TTC17: variants seen among roughly 807,000 people sequenced by gnomAD.
The protein encoded by TTC17 is tetratricopeptide repeat domain 17, also known as tetratricopeptide repeat protein 17.
In TTC17, 58 loss-of-function variants were observed where a neutral mutation model predicts 143.8. The ratio of observed to expected loss-of-function variants is 0.40; its 90% CI spans 0.33 to 0.50. TTC17 has a LOEUF of 0.50. Among genes scored for constraint, TTC17 ranks in the 20% least tolerant of loss-of-function variants. TTC17 has a pLI of 0.49. For synonymous variants in TTC17, 501 were observed against 497.8 expected (o/e 1.01, Z -0.09); for missense variants, 1,273 against 1,392.5 (o/e 0.91, Z 1.37).
chr11:43,407,492 A>T lies in TTC17; in HGVS notation c.1979A>T (p.Asn660Ile). 6.2e-7 allele frequency: 1 copy of T among 1,614,030 alleles called. No homozygotes were observed. Among genetic ancestry groups the T allele is most frequent in the Non-Finnish European group, 8.5e-7 (1 of 1,179,966 alleles). The change falls in exon 15 of 24, where the codon AAC becomes ATC. Residue 660 changes from asparagine to isoleucine, a missense_variant. Physicochemically the swap from Asn to Ile is moderately radical, Grantham distance 149. This residue lies in a region of TTC17 where 878 missense variants were observed against 899.8 expected (regional missense o/e 0.98). Transcript: ENST00000039989. ...PLQYQDVPLV[N>I]LANLLIHYGL... ...CAATACCAAGATGTTCCTCTTGTCA[A>T]CTTGGCCAACCTTTTGATTCATTAC...
At chr11:43,420,504 T>C (rs1946877316) in intron 16 of TTC17, among the ~76,000 whole-genome samples, 2 of 152,224 alleles carry the variant, frequency 1.3e-5, no homozygotes, top group South Asian at 4.1e-4. Context: ...CCTGATCTTT[T>C]CTGAATCTTG....
chr11:43,403,948 A>G, intron 10 of TTC17, 50 bp from the exon 11 acceptor site: 1 of 1,502,158 alleles, frequency 6.7e-7, no homozygotes, highest in Non-Finnish European at 8.9e-7. Context: ...TTATAATCAC[A>G]ACTCCTTTTC....
chr11:43,433,427 C>T (rs1175735434), intron 16 of TTC17, among the ~76,000 whole-genome samples: 2 of 152,190 alleles, frequency 1.3e-5, no homozygotes, highest in Non-Finnish European at 2.9e-5. Context: ...AAACCTCTTA[C>T]TCTTTTTTTA....
At chr11:43,409,521 C>G (rs1276930911) in intron 15 of TTC17, among the ~76,000 whole-genome samples, 1 of 152,152 alleles carries the variant, frequency 6.6e-6, no homozygotes, top group East Asian at 1.9e-4. Context: ...TTACTAGAGC[C>G]AGGCACAATA....
At chr11:43,441,454 C>G (rs1000401409) in intron 16 of TTC17, among the ~76,000 whole-genome samples, 3 of 152,032 alleles carry the variant, frequency 2.0e-5, no homozygotes, top group African/African-American at 7.2e-5. Flanking sequence ...ATGTAGTTGT[C>G]TGTCTCCAAC....
chr11:43,436,125 T>G (rs1232395363), intron 16 of TTC17: 12 of 1,286,524 alleles, frequency 9.3e-6, no homozygotes, highest in Middle Eastern at 2.0e-4. Context: ...ACACGAGAGA[T>G]ATTTCTAATG....
chr11:43,475,708 T>C (rs1236548920), intron 21 of TTC17, among the ~76,000 whole-genome samples: 1 of 152,216 alleles, frequency 6.6e-6, no homozygotes, highest in Non-Finnish European at 1.5e-5. Flanking sequence ...AATGTTCCAA[T>C]GAGCATTTCA....
intron 18 of TTC17, chr11:43,446,708 C>G (rs189925995): frequency 1.6e-5 from 16 of 981,638 alleles, no homozygotes; most frequent in Non-Finnish European, 1.8e-5. Context: ...ATATAAAAAG[C>G]GCTATACAGA....
chr11:43,390,611 G>A (rs553578968), intron 3 of TTC17, among the ~76,000 whole-genome samples: 10 of 146,242 alleles, frequency 6.8e-5, no homozygotes, highest in South Asian at 2.1e-4. Flanking sequence ...GCAAGACTCC[G>A]TCTCAAAAAA....
At chr11:43,436,401 TTTC>T in intron 16 of TTC17, 1 of 1,205,762 alleles carries the variant, frequency 8.3e-7, no homozygotes, top group Non-Finnish European at 1.0e-6. Context: ...AGCTTAGGCT[TTTC>T]TCTACTTTTA....
intron 21 of TTC17, among the ~76,000 whole-genome samples, chr11:43,469,894 A>G (rs1564978057): frequency 6.6e-6 from 1 of 152,198 alleles, no homozygotes; most frequent in Non-Finnish European, 1.5e-5. Context: ...TTACCAACAG[A>G]TTGTACTAAA....
At position 43,404,069 on chromosome 11, in the gene TTC17, C is replaced by T. The variant is rs755936068; in HGVS notation, c.1404C>T (p.Ile468=). The T allele has an allele frequency of 6.2e-7, 1 of 1,613,258 alleles. No individual in the cohort carries two copies. Among genetic ancestry groups the T allele is most frequent in the South Asian group, 1.1e-5 (1 of 91,004 alleles). The change falls in exon 11 of 24, where the codon ATC becomes ATT. Residue 468 remains isoleucine, a synonymous_variant. Transcript: ENST00000039989. Reference sequence around the variant, plus strand: ...ATGTTCAATCAAATCAGAGTGATATCAATGATTCGGTCAAGTCTTCTCCCG... The same window carrying T: ...ATGTTCAATCAAATCAGAGTGATATTAATGATTCGGTCAAGTCTTCTCCCG... ...NFDVQSNQSD[I]NDSVKSSPVA...
chr11:43,428,344 A>G (rs570603128), intron 16 of TTC17, among the ~76,000 whole-genome samples: 1 of 152,332 alleles, frequency 6.6e-6, no homozygotes, highest in South Asian at 2.1e-4. Context: ...TTCTTTTTCA[A>G]TATAATTTCT....
intron 2 of TTC17, among the ~76,000 whole-genome samples, chr11:43,383,301 G>A (rs954028882): frequency 6.6e-6 from 1 of 152,148 alleles, no homozygotes; most frequent in African/African-American, 2.4e-5. Context: ...CAATTGCAGT[G>A]TGTATGGACT....
rs1858101971 is a variant in TTC17, at chr11:43,405,876, T to C, written c.1686T>C (p.Thr562=). The stretch of plus-strand genomic sequence containing the variant: ...TAACTGACTTCAGAAAAAGCCACAC[T>C]CTGTCCTACTTAGTCAAAGAATTAG... ...CSITDFRKSH[T]LSYLVKELEV... The change falls in exon 13 of 24, where the codon ACT becomes ACC. Residue 562 remains threonine, a synonymous_variant. Coordinates refer to ENST00000039989, the MANE Select transcript of TTC17 (RefSeq NM_018259.6). 6.2e-7 allele frequency: 1 copy of C among 1,614,020 alleles called. No individual in the cohort carries two copies.
In TTC17 at chr11:43,379,312, A is replaced by G. The variant is rs145166169; in HGVS notation, c.239A>G (p.Lys80Arg). ...CAAGAAGCAACAGTTAACTACCTCA[A>G]AGAATTAGAGGTGAGGCAACTGGGC... ...MRQEATVNYLKELEKQLVAQK... is the reference protein window; with the variant it reads ...MRQEATVNYLRELEKQLVAQK... Residue 80 changes from lysine (K) to arginine (R), a missense_variant, in exon 2 of 24, where the codon AAA (lysine) becomes AGA (arginine). Around this residue, in one of 3 missense-constraint regions of TTC17, gnomAD observed 325 missense variants for 444.2 expected, o/e 0.73. Coordinates refer to ENST00000039989, the MANE Select transcript of TTC17 (RefSeq NM_018259.6). 101 of 1,611,562 alleles carry G rather than the reference A, an allele frequency of 6.3e-5. No homozygotes were observed. The highest frequency in any genetic ancestry group is 3.2e-4 in the Admixed American group (19 of 59,420).
chr11:43,408,560 T>C (rs866297474), intron 15 of TTC17, among the ~76,000 whole-genome samples: 1 of 152,184 alleles, frequency 6.6e-6, no homozygotes, highest in African/African-American at 2.4e-5. Flanking sequence ...CATGATTCCC[T>C]TTTTACTGTT....
rs574602378 is a variant in TTC17 at position 43,479,851 on chromosome 11, C to G, written c.3031-10388C>G. Among the ~76,000 whole-genome samples the G allele has an allele frequency of 6.6e-5, 10 of 152,240 alleles. No individual in the cohort carries two copies. The South Asian group carries it at 1.2e-3, about 19-fold the overall frequency. ...AGAATTTAGAAGTTTACAGGAGAAA[C>G]TGAGGAGCTGGAGCTCTTGCTTCCA... On this transcript the variant is annotated intron_variant, in intron 21 of 23. Coordinates refer to ENST00000039989, the MANE Select transcript of TTC17 (RefSeq NM_018259.6).
At chr11:43,387,288 T>A (rs1857205098) in intron 2 of TTC17, among the ~76,000 whole-genome samples, 1 of 152,202 alleles carries the variant, frequency 6.6e-6, no homozygotes, top group South Asian at 2.1e-4. Context: ...ACCTCAGTGC[T>A]GTTCTCATGA....
Sources: allele counts gnomAD v4.1 joint callset (sites outside exome capture counted in the v4.1 genomes callset), GRCh38; gene constraint gnomAD v4.1.1; regional missense constraint gnomAD v4.1.1; transcripts MANE v1.5; gene names NCBI Gene and HGNC (gene_info 2026-07-23, HGNC 2026-07-21).